Variants in FARS2 observed in about 807,000 individuals in gnomAD.
FARS2 encodes the protein phenylalanyl-tRNA synthetase 2, mitochondrial.
In FARS2, 40 loss-of-function variants were observed where a neutral mutation model predicts 46.4. That is an observed-to-expected ratio of 0.86 (90% CI 0.67 to 1.12). FARS2 has a LOEUF of 1.12. Ranked by LOEUF, FARS2 falls within the 50% of genes most tolerant of loss-of-function variation. The pLI is 0.00. For synonymous variants in FARS2, 234 were observed against 214.9 expected, an observed-to-expected ratio of 1.09 and a Z score of -0.78; for missense variants, 513 against 567.9, an observed-to-expected ratio of 0.90 and a Z score of 0.98.
intron 1 of FARS2, among the ~76,000 whole-genome samples, chr6:5,268,248 C>G (rs1032155169): frequency 1.3e-5 from 2 of 151,344 alleles, no homozygotes; most frequent in African/African-American, 4.9e-5. Context: ...GTTGCCATTG[C>G]TTTTGGTGTT....
At chr6:5,588,300 G>A (rs372637191) in intron 5 of FARS2, among the ~76,000 whole-genome samples, 12 of 152,032 alleles carry the variant, frequency 7.9e-5, no homozygotes, top group East Asian at 7.7e-4. Context: ...TCTTCTCCTC[G>A]GGACCACGCT....
chr6:5,587,287 T>C (rs1454206654), intron 5 of FARS2, among the ~76,000 whole-genome samples: 1 of 152,220 alleles, frequency 6.6e-6, no homozygotes, highest in African/African-American at 2.4e-5. Flanking sequence ...CTTGCTATGT[T>C]TGAAGTGTTA....
intron 1 of FARS2, among the ~76,000 whole-genome samples, chr6:5,365,147 T>C (rs554263385): frequency 2.0e-5 from 3 of 152,056 alleles, no homozygotes; most frequent in Admixed American, 1.3e-4. Context: ...TCATTTTTAC[T>C]ATCTAAGCTA....
intron 2 of FARS2, among the ~76,000 whole-genome samples, chr6:5,385,093 A>G (rs7770766): frequency 0.2 from 30,332 of 152,178 alleles, 3,543 homozygotes; most frequent in Middle Eastern, 0.28. Context: ...GGGACTTCCC[A>G]TAGAGACCTT....
chr6:5,306,378 A>G (rs1160157391), intron 1 of FARS2, among the ~76,000 whole-genome samples: 2 of 152,238 alleles, frequency 1.3e-5, no homozygotes, highest in African/African-American at 4.8e-5. Context: ...TTTAACAGCC[A>G]TGTGATGGCT....
chr6:5,604,776 T>C (rs1050874790), intron 5 of FARS2, among the ~76,000 whole-genome samples: 1 of 150,992 alleles, frequency 6.6e-6, no homozygotes, highest in Non-Finnish European at 1.5e-5. Context: ...TATGATTTTT[T>C]GTATTTTTTA....
chr6:5,407,758 T>C (rs1761698629), intron 3 of FARS2, among the ~76,000 whole-genome samples: 1 of 152,240 alleles, frequency 6.6e-6, no homozygotes, highest in Non-Finnish European at 1.5e-5. Context: ...AGGTTTCAAA[T>C]AGAAATTGCT....
At chr6:5,443,461 C>T (rs1445394764) in intron 4 of FARS2, among the ~76,000 whole-genome samples, 1 of 152,162 alleles carries the variant, frequency 6.6e-6, no homozygotes, top group Admixed American at 6.5e-5. Context: ...GGAGCTTGCC[C>T]CTGTAACTGC....
rs142673142 is a variant in FARS2 at position 5,374,551 on chromosome 6, A to G, written c.612+5369A>G. On this transcript the variant is annotated intron_variant, in intron 2 of 6. Transcript: ENST00000274680. The stretch of plus-strand genomic sequence containing the variant: ...TACCAAATCATGAATTACTTGTACA[A>G]TCTGTTTCAGAACATAGAAAAGAGA... Among the ~76,000 whole-genome samples, 947 of 152,200 alleles carry G rather than the reference A, an allele frequency of 6.2e-3. 4 individuals are homozygous for G. The highest frequency in any genetic ancestry group is 9.2e-3 in the Non-Finnish European group (627 of 67,960).
rs114384956 is a variant in FARS2, at chr6:5,752,297, A to G, written c.1218-18994A>G. ...GTCTAATTGCGGTCTGTTAGATTTT[A>G]ATTACTCATGGTAAATTGTGAAAAC... On this transcript the variant is annotated intron_variant, in intron 6 of 6. Transcript: ENST00000274680. 1.5e-3 allele frequency among the ~76,000 whole-genome samples: 225 copies of G among 152,336 alleles called. 1 individual carries two copies. The highest frequency in any genetic ancestry group is 5.1e-3 in the African/African-American group (213 of 41,580).
At chr6:5,386,446 A>T (rs1001130337) in intron 2 of FARS2, among the ~76,000 whole-genome samples, 2 of 152,194 alleles carry the variant, frequency 1.3e-5, no homozygotes, top group Non-Finnish European at 1.5e-5. Flanking sequence ...GAGTGAGGCA[A>T]TCGTTCAGGT....
chr6:5,321,892 C>A (rs917326799), intron 1 of FARS2, among the ~76,000 whole-genome samples: 12 of 152,204 alleles, frequency 7.9e-5, no homozygotes, highest in African/African-American at 2.9e-4. Flanking sequence ...TTATGACACA[C>A]ACAGAGTAGA....
chr6:5,322,756 A>G (rs1200891728), intron 1 of FARS2, among the ~76,000 whole-genome samples: 1 of 152,034 alleles, frequency 6.6e-6, no homozygotes, highest in East Asian at 1.9e-4. Flanking sequence ...AGCAGGATTC[A>G]CTTTCCTCTG....
intron 6 of FARS2, among the ~76,000 whole-genome samples, chr6:5,729,530 C>T (rs1008653907): frequency 1.2e-4 from 18 of 152,242 alleles, no homozygotes; most frequent in African/African-American, 3.9e-4. Context: ...TGCACCTGGC[C>T]GTAAGATTTT....
chr6:5,533,892 G>A (rs1052475811), intron 4 of FARS2, among the ~76,000 whole-genome samples: 12 of 152,208 alleles, frequency 7.9e-5, no homozygotes, highest in Non-Finnish European at 4.4e-5. Context: ...AGAGAGAGCA[G>A]TTGGCAGATA....
intron 5 of FARS2, among the ~76,000 whole-genome samples, chr6:5,606,085 T>G (rs1355921840): frequency 6.6e-6 from 1 of 151,946 alleles, no homozygotes; most frequent in Non-Finnish European, 1.5e-5. Flanking sequence ...GCAGTATGGA[T>G]TATTGCAGTT....
At chr6:5,360,577 GTTC>G (rs147284890) in intron 1 of FARS2, among the ~76,000 whole-genome samples, 8,423 of 152,234 alleles carry the variant, frequency 0.055, 265 homozygotes, top group Middle Eastern at 0.14. Flanking sequence ...AGCATATTCT[GTTC>G]TTCTGTGCAT....
chr6:5,733,373 G>C (rs554573304), intron 6 of FARS2, among the ~76,000 whole-genome samples: 1 of 152,282 alleles, frequency 6.6e-6, no homozygotes, highest in East Asian at 1.9e-4. Flanking sequence ...AGTGTGTCCT[G>C]AATCATTTCA....
chr6:5,264,467 A>G (rs1424422352), intron 1 of FARS2, among the ~76,000 whole-genome samples: 1 of 151,116 alleles, frequency 6.6e-6, no homozygotes, highest in African/African-American at 2.4e-5. Flanking sequence ...CCTAAGTACT[A>G]TAGGTTATGG....
Sources: allele counts gnomAD v4.1 joint callset (sites outside exome capture counted in the v4.1 genomes callset), GRCh38; gene constraint gnomAD v4.1.1; transcripts MANE v1.5; gene names NCBI Gene and HGNC (gene_info 2026-07-23, HGNC 2026-07-21).